Variants in RERE observed in about 807,000 individuals in gnomAD.
RERE encodes arginine-glutamic acid dipeptide repeats protein.
RERE carries 40 observed loss-of-function variants against 146.1 expected under a neutral mutation model. That is an observed-to-expected ratio of 0.27 (90% CI 0.21 to 0.36). The LOEUF is 0.36. RERE is among the 10% of genes least tolerant of loss of function. The probability of loss-of-function intolerance (pLI) is 1.00; values close to 1 mark genes in which losing one functional copy is unlikely to be tolerated. For synonymous variants in RERE, 1,003 were observed against 866.0 expected (o/e 1.16, Z -2.78); for missense variants, 1,933 against 2,138.7 (o/e 0.90, Z 1.90).
chr1:8,583,125 G>A (rs1219703866), intron 4 of RERE, among the ~76,000 whole-genome samples: 3 of 152,154 alleles, frequency 2.0e-5, no homozygotes, highest in South Asian at 2.1e-4. Flanking sequence ...AAGTGTCTGC[G>A]GTCCTGGGGC....
At chr1:8,645,498 A>G (rs1274166440) in intron 2 of RERE, among the ~76,000 whole-genome samples, 1 of 151,926 alleles carries the variant, frequency 6.6e-6, no homozygotes, top group Admixed American at 6.5e-5. Flanking sequence ...ACTGGGAAGC[A>G]CTAATGAGTG....
chr1:8,357,908 G>A (rs1641359470), intron 20 of RERE, among the ~76,000 whole-genome samples: 1 of 152,226 alleles, frequency 6.6e-6, no homozygotes, highest in African/African-American at 2.4e-5. Flanking sequence ...CTGCCCTGTG[G>A]GCCTAGGCCA....
intron 10 of RERE, among the ~76,000 whole-genome samples, chr1:8,483,325 T>A (rs767065157): frequency 6.6e-6 from 1 of 152,240 alleles, no homozygotes; most frequent in African/African-American, 2.4e-5. Flanking sequence ...GGAAAACTTA[T>A]GAAAGGGCCT....
intron 1 of RERE, among the ~76,000 whole-genome samples, chr1:8,762,412 T>C (rs1410530612): frequency 6.6e-6 from 1 of 152,230 alleles, no homozygotes; most frequent in African/African-American, 2.4e-5. Flanking sequence ...TTCTCGGTTA[T>C]AACACAAGCT....
At chr1:8,451,702 C>T (rs1412925984) in intron 11 of RERE, among the ~76,000 whole-genome samples, 2 of 152,150 alleles carry the variant, frequency 1.3e-5, no homozygotes, top group Non-Finnish European at 2.9e-5. Context: ...CTGATCCAGT[C>T]CAGTAGTTCT....
rs750108399 is a variant in RERE, at chr1:8,495,093, C to T, written c.1074G>A (p.Arg358=). 6.2e-7 allele frequency: 1 copy of T among 1,613,796 alleles called. No homozygotes were observed. Among genetic ancestry groups the T allele is most frequent in the South Asian group, 1.1e-5 (1 of 91,068 alleles). The change falls in exon 10 of 23, where the codon CGG becomes CGA. Residue 358 remains arginine (R), a synonymous_variant. Coordinates refer to ENST00000400908, the MANE Select transcript of RERE (RefSeq NM_001042681.2). The part of the protein sequence containing the change: ...STEDGCVAAS[R]DDTTLNALNT... ...TCAGTGCATTCAGAGTGGTGTCATC[C>T]CGAGAGGCTGCGACACAGCCGTCCT...
intron 11 of RERE, among the ~76,000 whole-genome samples, chr1:8,444,960 T>C (rs766884414): frequency 2.5e-4 from 38 of 152,196 alleles, no homozygotes; most frequent in Non-Finnish European, 5.6e-4. Flanking sequence ...ATCACTATGG[T>C]ATTTAAAATT....
At chr1:8,584,270 T>C (rs1646400829) in intron 4 of RERE, among the ~76,000 whole-genome samples, 1 of 152,006 alleles carries the variant, frequency 6.6e-6, no homozygotes, top group African/African-American at 2.4e-5. Flanking sequence ...ATATTAAAAA[T>C]AGGCACTGGG....
intron 12 of RERE, among the ~76,000 whole-genome samples, chr1:8,411,227 T>C (rs1273945448): frequency 6.6e-6 from 1 of 152,014 alleles, no homozygotes; most frequent in African/African-American, 2.4e-5. Context: ...TCAACTCATC[T>C]GGTGGCCATA....
At chr1:8,463,250 A>G (rs908005949) in intron 11 of RERE, among the ~76,000 whole-genome samples, 4 of 152,208 alleles carry the variant, frequency 2.6e-5, no homozygotes, top group South Asian at 2.1e-4. Flanking sequence ...CTTCCTACAC[A>G]TAAGGGAACC....
At chr1:8,667,018 T>A (rs1373807654) in intron 1 of RERE, among the ~76,000 whole-genome samples, 1 of 152,228 alleles carries the variant, frequency 6.6e-6, no homozygotes, top group Non-Finnish European at 1.5e-5. Context: ...GCCTTTGTGG[T>A]ATCAGAGCAG....
intron 12 of RERE, among the ~76,000 whole-genome samples, chr1:8,421,221 GA>G (rs1274172345): frequency 6.6e-6 from 1 of 152,214 alleles, no homozygotes; most frequent in Non-Finnish European, 1.5e-5. Flanking sequence ...GCGATCAGGA[GA>G]AATCTACTCA....
chr1:8,516,557 A>C (rs186436693), intron 7 of RERE, among the ~76,000 whole-genome samples: 92 of 152,292 alleles, frequency 6.0e-4, no homozygotes, highest in African/African-American at 2.2e-3. Context: ...AGGTCAGGTC[A>C]CTGAAGCCAA....
chr1:8,400,920 A>C (rs1643229018), intron 12 of RERE, among the ~76,000 whole-genome samples: 1 of 145,282 alleles, frequency 6.9e-6, no homozygotes, highest in Admixed American at 6.9e-5. Flanking sequence ...CAGAAGACTG[A>C]AGCGGGAGCA....
intron 4 of RERE, among the ~76,000 whole-genome samples, chr1:8,593,584 C>T (rs1570480937): frequency 6.6e-6 from 1 of 152,178 alleles, no homozygotes; most frequent in Non-Finnish European, 1.5e-5. Flanking sequence ...TATAAATGAC[C>T]CAGTCTCAGG....
At chr1:8,433,140 G>A (rs371781456) in intron 11 of RERE, among the ~76,000 whole-genome samples, 4 of 152,246 alleles carry the variant, frequency 2.6e-5, no homozygotes, top group Non-Finnish European at 4.4e-5. Flanking sequence ...TACATCCCCC[G>A]TACTGGTAAC....
chr1:8,760,470 G>C lies in RERE; in HGVS notation c.-145+56690C>G, dbSNP rs571407303. 2.7e-3 allele frequency among the ~76,000 whole-genome samples: 405 copies of C among 152,308 alleles called. 3 individuals carry two copies. The highest frequency in any genetic ancestry group is 9.3e-3 in the African/African-American group (385 of 41,580). ...CCTGGGTCAGTAGTACAGCTTTGTTGCAAGTATCTGCAGGGACCTGGTAGA... is the reference window on the plus strand; with the variant it reads ...CCTGGGTCAGTAGTACAGCTTTGTTCCAAGTATCTGCAGGGACCTGGTAGA... On this transcript the variant is annotated intron_variant, in intron 1 of 22. Transcript: ENST00000400908.
intron 1 of RERE, among the ~76,000 whole-genome samples, chr1:8,768,542 C>A (rs891469249): frequency 3.3e-5 from 5 of 152,176 alleles, no homozygotes; most frequent in Non-Finnish European, 7.3e-5. Flanking sequence ...ACTTGAAATG[C>A]AGCTAGTGTG....
At chr1:8,357,722 G>C (rs528501539) in intron 20 of RERE, among the ~76,000 whole-genome samples, 1 of 152,234 alleles carries the variant, frequency 6.6e-6, no homozygotes, top group Admixed American at 6.5e-5. Flanking sequence ...GCCCTGGCCA[G>C]GTGGGTCAGC....
Sources: allele counts gnomAD v4.1 joint callset (sites outside exome capture counted in the v4.1 genomes callset), GRCh38; gene constraint gnomAD v4.1.1; transcripts MANE v1.5; gene names NCBI Gene and HGNC (gene_info 2026-07-23, HGNC 2026-07-21).